The following AGBL4 variants were observed in gnomAD, a reference collection of about 807,000 sequenced individuals.
AGBL4 encodes the protein cytosolic carboxypeptidase 6.
A neutral mutation model predicts 66.4 loss-of-function variants in AGBL4; 58 were observed. The ratio of observed to expected loss-of-function variants is 0.87; its 90% CI spans 0.71 to 1.09. AGBL4 has a LOEUF of 1.09. Ranked by LOEUF, AGBL4 falls within the 50% of genes least tolerant of loss-of-function variation. The pLI is 0.00. For synonymous variants in AGBL4, 234 were observed against 222.9 expected (o/e 1.05, Z -0.44); for missense variants, 579 against 631.0 (o/e 0.92, Z 0.88).
intron 3 of AGBL4, among the ~76,000 whole-genome samples, chr1:49,551,440 G>A (rs1652947142): frequency 1.3e-5 from 2 of 152,176 alleles, no homozygotes; most frequent in South Asian, 2.1e-4. Context: ...TCAGAGGGAA[G>A]GTCTAGGGCT....
intron 3 of AGBL4, among the ~76,000 whole-genome samples, chr1:49,344,337 G>T (rs749663783): frequency 6.6e-6 from 1 of 152,034 alleles, no homozygotes; most frequent in African/African-American, 2.4e-5. Flanking sequence ...AAAGACTACT[G>T]GAGAAACAGT....
intron 5 of AGBL4, 118 bp from the exon 6 acceptor site, chr1:48,867,348 G>A (rs960841459): frequency 3.4e-5 from 34 of 997,556 alleles, no homozygotes; most frequent in East Asian, 5.1e-5. Flanking sequence ...TAAATCATAC[G>A]GAATGTGGTA....
intron 2 of AGBL4, among the ~76,000 whole-genome samples, chr1:49,796,502 T>C (rs1571585728): frequency 1.3e-5 from 2 of 151,508 alleles, no homozygotes; most frequent in South Asian, 4.2e-4. Flanking sequence ...GACTATTAAA[T>C]TTATAATTTA....
chr1:49,855,446 T>C (rs1646409920), intron 1 of AGBL4, among the ~76,000 whole-genome samples: 1 of 152,194 alleles, frequency 6.6e-6, no homozygotes, highest in Non-Finnish European at 1.5e-5. Flanking sequence ...AGCTGCAGAA[T>C]ACACATTCTT....
intron 3 of AGBL4, among the ~76,000 whole-genome samples, chr1:49,530,053 T>C (rs1386255142): frequency 6.6e-6 from 1 of 151,784 alleles, no homozygotes; most frequent in Non-Finnish European, 1.5e-5. Context: ...ATTTTTTGAA[T>C]GAATAATAAA....
At chr1:49,951,645 T>C (rs1447612555) in intron 1 of AGBL4, among the ~76,000 whole-genome samples, 1 of 151,944 alleles carries the variant, frequency 6.6e-6, no homozygotes, top group Non-Finnish European at 1.5e-5. Context: ...TACTACGGCA[T>C]ACGTATTCCC....
chr1:49,381,423 T>A (rs1255414661), intron 3 of AGBL4, among the ~76,000 whole-genome samples: 1 of 152,216 alleles, frequency 6.6e-6, no homozygotes, highest in Non-Finnish European at 1.5e-5. Flanking sequence ...TCAATCATTG[T>A]GGAAGTCAGT....
At chr1:49,118,656 C>A (rs984320157) in intron 4 of AGBL4, among the ~76,000 whole-genome samples, 1 of 152,080 alleles carries the variant, frequency 6.6e-6, no homozygotes, top group East Asian at 1.9e-4. Flanking sequence ...GTCTAAAATT[C>A]TCTTTTTTTG....
chr1:48,934,722 G>A (rs1214002262), intron 5 of AGBL4, among the ~76,000 whole-genome samples: 1 of 152,118 alleles, frequency 6.6e-6, no homozygotes, highest in African/African-American at 2.4e-5. Context: ...AGTCTCCATA[G>A]AATCCTTCAG....
At chr1:49,948,550 T>C (rs1401893092) in intron 1 of AGBL4, among the ~76,000 whole-genome samples, 3 of 118,346 alleles carry the variant, frequency 2.5e-5, no homozygotes, top group Non-Finnish European at 5.2e-5. Context: ...TATAAATATA[T>C]ATAAATATAT....
At chr1:49,872,909 T>C (rs555214163) in intron 1 of AGBL4, among the ~76,000 whole-genome samples, 49 of 152,210 alleles carry the variant, frequency 3.2e-4, no homozygotes, top group Admixed American at 2.4e-3. Flanking sequence ...TATTATTTTC[T>C]ACAATTTGAA....
At chr1:48,866,405 C>T (rs146366969) in intron 6 of AGBL4, among the ~76,000 whole-genome samples, 96 of 152,320 alleles carry the variant, frequency 6.3e-4, no homozygotes, top group African/African-American at 2.3e-3. Context: ...GTCCAGTAAC[C>T]AAAGTGTTAA....
At chr1:49,081,756 A>G (rs1185001524) in intron 4 of AGBL4, among the ~76,000 whole-genome samples, 1 of 152,228 alleles carries the variant, frequency 6.6e-6, no homozygotes, top group Non-Finnish European at 1.5e-5. Flanking sequence ...TAGTAAAGGA[A>G]AAAGCCAAAG....
intron 3 of AGBL4, among the ~76,000 whole-genome samples, chr1:49,681,366 G>A (rs1251956443): frequency 6.6e-6 from 1 of 152,064 alleles, no homozygotes; most frequent in Non-Finnish European, 1.5e-5. Context: ...CATTGTTCTA[G>A]AAGAAAAGGG....
At chr1:49,878,337 C>T (rs1647092590) in intron 1 of AGBL4, among the ~76,000 whole-genome samples, 1 of 149,518 alleles carries the variant, frequency 6.7e-6, no homozygotes, top group Non-Finnish European at 1.5e-5. Context: ...TTGAATGTGT[C>T]CCAGAGATTC....
chr1:49,968,902 T>C (rs577816225), intron 1 of AGBL4, among the ~76,000 whole-genome samples: 1 of 152,342 alleles, frequency 6.6e-6, no homozygotes, highest in East Asian at 1.9e-4. Context: ...TCTAGACTTC[T>C]TTTACATTAG....
At chr1:49,228,242 A>G (rs970057260) in intron 4 of AGBL4, among the ~76,000 whole-genome samples, 14 of 152,230 alleles carry the variant, frequency 9.2e-5, no homozygotes, top group African/African-American at 3.4e-4. Flanking sequence ...GCACTGTTCT[A>G]GGTGCTTAGG....
intron 5 of AGBL4, among the ~76,000 whole-genome samples, chr1:48,935,745 G>A (rs1316606685): frequency 1.3e-5 from 2 of 150,546 alleles, no homozygotes; most frequent in African/African-American, 4.9e-5. Context: ...ATCACTTGAG[G>A]CCAGGAGTTT....
intron 11 of AGBL4, among the ~76,000 whole-genome samples, chr1:48,557,885 T>C (rs989938044): frequency 1.3e-5 from 2 of 151,792 alleles, no homozygotes; most frequent in African/African-American, 2.4e-5. Flanking sequence ...TAATCTCCAC[T>C]GTTCTTGGCC....
Sources: gnomAD v4.1 joint callset for allele counts (sites outside exome capture counted in the v4.1 genomes callset) on GRCh38, gnomAD v4.1.1 for gene constraint, MANE v1.5 for transcripts, NCBI Gene and HGNC (gene_info 2026-07-23, HGNC 2026-07-21) for gene names.